Variants in THEMIS observed in about 807,000 individuals in gnomAD.
THEMIS encodes the protein protein THEMIS.
In THEMIS, 37 loss-of-function variants were observed where a neutral mutation model predicts 52.6. That is an observed-to-expected ratio of 0.70 (90% CI 0.54 to 0.93). THEMIS has a LOEUF of 0.93. Ranked by LOEUF, THEMIS falls within the 40% of genes least tolerant of loss-of-function variation. The pLI, the probability that THEMIS is intolerant of heterozygous loss-of-function variation, is 0.00. For missense variants in THEMIS, 808 were observed against 763.1 expected, an observed-to-expected ratio of 1.06 and a Z score of -0.69; for synonymous variants, 292 against 272.7, an observed-to-expected ratio of 1.07 and a Z score of -0.70.
chr6:127,912,064 G>C (rs1429558673), intron 1 of THEMIS, among the ~76,000 whole-genome samples: 1 of 152,184 alleles, frequency 6.6e-6, no homozygotes, highest in Non-Finnish European at 1.5e-5. Context: ...ACCCTGCAAA[G>C]TCATGGGGCA....
the THEMIS span, among the ~76,000 whole-genome samples, chr6:127,699,774 C>T: frequency 1.3e-5 from 2 of 151,580 alleles, no homozygotes; most frequent in African/African-American, 4.8e-5. Flanking sequence ...ATAAAAAAAG[C>T]ATCTTTACAA....
chr6:127,893,785 G>A (rs1229492373), intron 1 of THEMIS, among the ~76,000 whole-genome samples: 3 of 151,990 alleles, frequency 2.0e-5, no homozygotes, highest in African/African-American at 4.8e-5. Context: ...ACCACAGGAC[G>A]GGTGGAATCT....
At position 127,829,247 on chromosome 6, in the gene THEMIS, C is replaced by A. The variant is rs919196635; in HGVS notation, c.709+229G>T. On this transcript the variant is annotated intron_variant, in intron 3 of 5. Transcript: ENST00000368248. ...TGTCTGTTCCTGATAGTTATAGCAC[C>A]TCATATGTGAATAGCACCATACAAT... 2.0e-5 allele frequency among the ~76,000 whole-genome samples: 3 copies of A among 152,066 alleles called. No individual in the cohort carries two copies. In the East Asian group the frequency reaches 5.8e-4, roughly 29 times the overall value.
intron 1 of THEMIS, among the ~76,000 whole-genome samples, chr6:127,879,020 T>C (rs1177739936): frequency 6.6e-6 from 1 of 152,200 alleles, no homozygotes; most frequent in Admixed American, 6.5e-5. Context: ...TATATCTTTG[T>C]GGATTAAAAT....
intron 1 of THEMIS, among the ~76,000 whole-genome samples, chr6:127,872,493 C>A (rs1257077953): frequency 5.3e-5 from 8 of 151,924 alleles, no homozygotes. Flanking sequence ...ACCCAGTAAG[C>A]AGAGGTTGCA....
intron 4 of THEMIS, among the ~76,000 whole-genome samples, chr6:127,783,616 CA>C (rs1270143974): frequency 1.3e-5 from 2 of 151,856 alleles, no homozygotes; most frequent in Non-Finnish European, 1.5e-5. Flanking sequence ...TTTATGCAGC[CA>C]AAAAAACATA....
At chr6:127,880,596 G>T (rs771296740) in intron 1 of THEMIS, among the ~76,000 whole-genome samples, 3 of 139,054 alleles carry the variant, frequency 2.2e-5, no homozygotes, top group Non-Finnish European at 4.6e-5. Flanking sequence ...AAAGCACTTT[G>T]GTCTGTGGTT....
intron 4 of THEMIS, among the ~76,000 whole-genome samples, chr6:127,768,829 T>G (rs1776281595): frequency 6.6e-6 from 1 of 152,228 alleles, no homozygotes; most frequent in Non-Finnish European, 1.5e-5. Flanking sequence ...TTTTAAATAT[T>G]GGCTTTGCTT....
chr6:127,767,757 G>A (rs561362006), intron 4 of THEMIS, among the ~76,000 whole-genome samples: 3 of 151,980 alleles, frequency 2.0e-5, no homozygotes, highest in Non-Finnish European at 4.4e-5. Flanking sequence ...TATCATTATC[G>A]AGTTTTATAT....
chr6:127,783,872 A>C (rs1056216232), intron 4 of THEMIS, among the ~76,000 whole-genome samples: 16 of 152,204 alleles, frequency 1.1e-4, no homozygotes, highest in African/African-American at 2.9e-4. Context: ...TTGACCCAGC[A>C]ATCCCATTAC....
chr6:127,916,420 G>C (rs1404009791), intron 1 of THEMIS, among the ~76,000 whole-genome samples: 2 of 152,088 alleles, frequency 1.3e-5, no homozygotes, highest in Admixed American at 6.6e-5. Flanking sequence ...GAGGCAACTG[G>C]AATTCTGCCT....
At chr6:127,798,546 A>AT (rs1425143760) in intron 4 of THEMIS, among the ~76,000 whole-genome samples, 5 of 152,176 alleles carry the variant, frequency 3.3e-5, no homozygotes, top group Non-Finnish European at 5.9e-5. Context: ...AAGATTCATA[A>AT]TTATTCTCTG....
chr6:127,820,113 A>G lies in THEMIS; in HGVS notation c.710-6182T>C, dbSNP rs1021596306. Among the ~76,000 whole-genome samples, 3 of 152,142 alleles carry G rather than the reference A, an allele frequency of 2.0e-5. No homozygotes were observed. In the East Asian group the frequency reaches 5.8e-4, roughly 29 times the overall value. ...TGACCTATATTAGTTGTAAATATAT[A>G]TTACAAACTCTAGGGTAACAACTAA... On this transcript the variant is annotated intron_variant, in intron 3 of 5. Transcript: ENST00000368248.
chr6:127,736,758 A>G (rs186912093), intron 4 of THEMIS, among the ~76,000 whole-genome samples: 4 of 151,358 alleles, frequency 2.6e-5, no homozygotes, highest in African/African-American at 9.7e-5. Context: ...CTCCTAATGT[A>G]GTCTGAGGTG....
At chr6:127,909,601 T>C (rs905128881) in intron 1 of THEMIS, among the ~76,000 whole-genome samples, 4 of 152,114 alleles carry the variant, frequency 2.6e-5, no homozygotes, top group African/African-American at 9.7e-5. Context: ...GTCCTGGGTA[T>C]CCTTATAGCA....
In THEMIS at chr6:127,855,159, A is replaced by T. The variant is rs1229761442; in HGVS notation, c.121T>A (p.Cys41Ser). The T allele has an allele frequency of 6.2e-7, 1 of 1,605,182 alleles. No homozygotes were observed. Among genetic ancestry groups the T allele is most frequent in the South Asian group, 1.1e-5 (1 of 89,424 alleles). The part of the protein sequence containing the change: ...GSIYEMFGNE[C>S]CFSTGEVIKI... ...ATCACTTCTCCTGTTGAAAAACAGCATTCATTTCCAAACATTTCATAAATA... is the reference window on the plus strand; with the variant it reads ...ATCACTTCTCCTGTTGAAAAACAGCTTTCATTTCCAAACATTTCATAAATA... The change falls in exon 2 of 6, where the codon TGC (cysteine) becomes AGC (serine). Residue 41 changes from cysteine to serine, a missense_variant. Physicochemically the swap from Cys to Ser is moderately radical, Grantham distance 112. Coordinates refer to ENST00000368248, the MANE Select transcript of THEMIS (RefSeq NM_001010923.3).
At chr6:127,762,042 G>T (rs1206423409) in intron 4 of THEMIS, among the ~76,000 whole-genome samples, 1 of 152,046 alleles carries the variant, frequency 6.6e-6, no homozygotes, top group Non-Finnish European at 1.5e-5. Flanking sequence ...GAAAATGTAC[G>T]CTATACATAC....
At chr6:127,719,901 G>T in intron 4 of THEMIS, 78 bp from the exon 5 acceptor site, 1 of 1,533,094 alleles carries the variant, frequency 6.5e-7, no homozygotes, top group Admixed American at 2.0e-5. Context: ...TTATCACATG[G>T]CAATTCATTT....
intron 1 of THEMIS, among the ~76,000 whole-genome samples, chr6:127,897,530 AAT>A (rs1261448013): frequency 2.6e-5 from 4 of 151,492 alleles, no homozygotes; most frequent in African/African-American, 9.7e-5. Flanking sequence ...AAATCCAAGA[AAT>A]ATATGAAAAG....
Sources: allele counts gnomAD v4.1 joint callset (sites outside exome capture counted in the v4.1 genomes callset), GRCh38; gene constraint gnomAD v4.1.1; transcripts MANE v1.5; gene names NCBI Gene and HGNC (gene_info 2026-07-23, HGNC 2026-07-21).